Variants in RANBP17 observed in about 807,000 individuals in gnomAD.
RANBP17 encodes ran-binding protein 17.
A neutral mutation model predicts 141.2 loss-of-function variants in RANBP17; 158 were observed. The observed-to-expected ratio is 1.12, with a 90% CI of 0.98 to 1.28. RANBP17 has a LOEUF of 1.28. Ranked by LOEUF, RANBP17 falls within the 50% of genes most tolerant of loss-of-function variation. The pLI, the probability that RANBP17 is intolerant of heterozygous loss-of-function variation, is 0.00. For missense variants in RANBP17, 1,438 were observed against 1,290.7 expected, an observed-to-expected ratio of 1.11 and a Z score of -1.75; for synonymous variants, 430 against 450.0, an observed-to-expected ratio of 0.96 and a Z score of 0.56.
chr5:170,961,089 A>G (rs895225968), intron 13 of RANBP17, among the ~76,000 whole-genome samples: 7 of 90,802 alleles, frequency 7.7e-5, no homozygotes. Context: ...TTTTTGTCGC[A>G]ACACTATGGC....
chr5:171,021,175 G>A (rs774115721), intron 14 of RANBP17, among the ~76,000 whole-genome samples: 4 of 152,264 alleles, frequency 2.6e-5, no homozygotes, highest in African/African-American at 4.8e-5. Flanking sequence ...TGTAAGTAAC[G>A]TGACCTTTCT....
chr5:170,921,445 A>G (rs1772455439), intron 11 of RANBP17, among the ~76,000 whole-genome samples: 1 of 151,764 alleles, frequency 6.6e-6, no homozygotes, highest in South Asian at 2.1e-4. Flanking sequence ...CCATTGGTCT[A>G]TATATCTGTT....
chr5:170,909,625 G>A (rs747639141), intron 5 of RANBP17, 36 bp from the exon 6 acceptor site: 5 of 703,692 alleles, frequency 7.1e-6, no homozygotes, highest in African/African-American at 4.2e-5. Context: ...CTTTTTCATA[G>A]GTCTGGTTAA....
At position 171,066,063 on chromosome 5, in the gene RANBP17, T is replaced by C. The variant is rs140218222; in HGVS notation, c.1710+97686T>C. ...TTTTAGTAGAGACAGGATTTCACCA[T>C]GTTGATCAGTCTGGTCTCAGACTCC... On this transcript the variant is annotated intron_variant, in intron 14 of 27. Coordinates refer to ENST00000523189, the MANE Select transcript of RANBP17 (RefSeq NM_022897.5). 6.7e-4 allele frequency among the ~76,000 whole-genome samples: 102 copies of C among 152,188 alleles called. 1 individual carries two copies. The East Asian group carries it at 0.017, about 25-fold the overall frequency.
intron 11 of RANBP17, 69 bp from the exon 12 acceptor site, chr5:170,924,288 A>C: frequency 1.0e-6 from 1 of 985,280 alleles, no homozygotes; most frequent in Admixed American, 2.5e-5. Context: ...TTTAACATGA[A>C]GTTTATTTGT....
At chr5:171,141,970 G>A (rs897059674) in intron 14 of RANBP17, among the ~76,000 whole-genome samples, 3 of 152,034 alleles carry the variant, frequency 2.0e-5, no homozygotes, top group Non-Finnish European at 2.9e-5. Context: ...TATAAAATGC[G>A]TAATTTGCAT....
At chr5:170,989,070 T>C (rs966152490) in intron 14 of RANBP17, among the ~76,000 whole-genome samples, 1 of 151,864 alleles carries the variant, frequency 6.6e-6, no homozygotes, top group African/African-American at 2.4e-5. Context: ...AACCCTCTAC[T>C]AAGTTTTTAC....
chr5:171,268,964 G>A (rs1203058780), intron 25 of RANBP17, among the ~76,000 whole-genome samples: 1 of 152,184 alleles, frequency 6.6e-6, no homozygotes, highest in African/African-American at 2.4e-5. Context: ...TAATTTCTGT[G>A]TGTTAATAAT....
intron 24 of RANBP17, among the ~76,000 whole-genome samples, chr5:171,248,114 C>G (rs1190745020): frequency 2.0e-5 from 3 of 152,156 alleles, no homozygotes; most frequent in Non-Finnish European, 4.4e-5. Flanking sequence ...CGCCTGTAAT[C>G]TCAGCACTTT....
intron 12 of RANBP17, among the ~76,000 whole-genome samples, chr5:170,937,224 C>CA (rs1409467789): frequency 6.6e-6 from 1 of 152,242 alleles, no homozygotes; most frequent in African/African-American, 2.4e-5. Flanking sequence ...ATGTAGTCCA[C>CA]AAACCATGTG....
chr5:170,947,782 TAG>T (rs1774880038), intron 12 of RANBP17, among the ~76,000 whole-genome samples: 1 of 152,086 alleles, frequency 6.6e-6, no homozygotes, highest in Non-Finnish European at 1.5e-5. Context: ...GGCCTCCTAA[TAG>T]TATAATGGTC....
chr5:171,102,502 TA>T (rs1787242725), intron 14 of RANBP17, among the ~76,000 whole-genome samples: 1 of 152,166 alleles, frequency 6.6e-6, no homozygotes, highest in African/African-American at 2.4e-5. Context: ...TCTAACCTTT[TA>T]TTGAAGTTCT....
intron 22 of RANBP17, among the ~76,000 whole-genome samples, chr5:171,234,447 GT>G (rs1304465577): frequency 6.6e-6 from 1 of 152,148 alleles, no homozygotes; most frequent in African/African-American, 2.4e-5. Flanking sequence ...CCTGACCTAA[GT>G]TTTTAAAAAA....
intron 16 of RANBP17, among the ~76,000 whole-genome samples, chr5:171,176,099 G>T (rs1435860891): frequency 6.6e-6 from 1 of 152,082 alleles, no homozygotes; most frequent in Non-Finnish European, 1.5e-5. Flanking sequence ...TTTGGCCTCA[G>T]ACTGACTCTC....
intron 25 of RANBP17, among the ~76,000 whole-genome samples, chr5:171,286,030 G>C (rs1332604736): frequency 6.6e-6 from 1 of 152,208 alleles, no homozygotes; most frequent in Non-Finnish European, 1.5e-5. Context: ...GTTGGTAATA[G>C]AGTAAATTGA....
intron 22 of RANBP17, among the ~76,000 whole-genome samples, chr5:171,226,014 T>C (rs368478051): frequency 6.6e-6 from 1 of 152,224 alleles, no homozygotes; most frequent in East Asian, 1.9e-4. Flanking sequence ...GATTAAATTT[T>C]ACCACATTTT....
intron 14 of RANBP17, among the ~76,000 whole-genome samples, chr5:171,062,281 T>G (rs186763176): frequency 6.6e-6 from 1 of 152,322 alleles, no homozygotes; most frequent in East Asian, 1.9e-4. Flanking sequence ...TTGGCATAAT[T>G]TTGCGGCGGC....
At chr5:171,087,826 C>A (rs1319684989) in intron 14 of RANBP17, among the ~76,000 whole-genome samples, 7 of 149,956 alleles carry the variant, frequency 4.7e-5, no homozygotes, top group African/African-American at 1.7e-4. Context: ...GGTAGATCTT[C>A]CTCCATCCTT....
At chr5:171,068,088 G>A (rs1481977484) in intron 14 of RANBP17, among the ~76,000 whole-genome samples, 1 of 151,622 alleles carries the variant, frequency 6.6e-6, no homozygotes, top group Non-Finnish European at 1.5e-5. Flanking sequence ...TTTTCTTTCT[G>A]ATACTCAGAC....
Sources: gnomAD v4.1 joint callset for allele counts (sites outside exome capture counted in the v4.1 genomes callset) on GRCh38, gnomAD v4.1.1 for gene constraint, MANE v1.5 for transcripts, NCBI Gene and HGNC (gene_info 2026-07-23, HGNC 2026-07-21) for gene names.